FNDC3B: variants seen among roughly 807,000 people sequenced by gnomAD.
The protein encoded by FNDC3B is fibronectin type III domain-containing protein 3B.
In FNDC3B, 12 loss-of-function variants were observed where a neutral mutation model predicts 151.5. That is an observed-to-expected ratio of 0.08 (90% CI 0.05 to 0.13). The LOEUF (loss-of-function observed/expected upper bound fraction) is 0.13. Among genes scored for constraint, FNDC3B ranks in the 10% least tolerant of loss-of-function variants. FNDC3B has a pLI of 1.00. For synonymous variants in FNDC3B, 528 were observed against 549.0 expected (o/e 0.96, Z 0.54); for missense variants, 1,214 against 1,505.3 (o/e 0.81, Z 3.20).
chr3:172,163,998 T>A (rs1456154863), intron 3 of FNDC3B, among the ~76,000 whole-genome samples: 1 of 152,252 alleles, frequency 6.6e-6, no homozygotes, highest in Admixed American at 6.5e-5. Flanking sequence ...TTGAGTTTTA[T>A]TATTACTTTT....
chr3:172,278,651 G>T (rs891535473), intron 6 of FNDC3B, among the ~76,000 whole-genome samples: 4 of 152,180 alleles, frequency 2.6e-5, no homozygotes, highest in African/African-American at 9.7e-5. Context: ...CTTTGGCCGG[G>T]TGTGGTGGCT....
chr3:172,208,454 A>C (rs1725541505), intron 3 of FNDC3B, among the ~76,000 whole-genome samples: 1 of 152,164 alleles, frequency 6.6e-6, no homozygotes, highest in Non-Finnish European at 1.5e-5. Context: ...ATCGAGAACA[A>C]ATGGAGAAGA....
At chr3:172,315,192 C>T (rs1731717906) in intron 11 of FNDC3B, among the ~76,000 whole-genome samples, 3 of 152,154 alleles carry the variant, frequency 2.0e-5, no homozygotes. Context: ...GCCTGGGCAA[C>T]ACGGTGAAAC....
chr3:172,350,347 C>G (rs929887901), intron 21 of FNDC3B, among the ~76,000 whole-genome samples: 11 of 152,314 alleles, frequency 7.2e-5, no homozygotes, highest in Admixed American at 2.0e-4. Flanking sequence ...AAGGTTTGAA[C>G]TAAGCTTCAA....
chr3:172,206,112 A>G (rs138035911), intron 3 of FNDC3B, among the ~76,000 whole-genome samples: 1 of 152,314 alleles, frequency 6.6e-6, no homozygotes, highest in Non-Finnish European at 1.5e-5. Flanking sequence ...TAATAGTACT[A>G]TTGCCTAGTG....
chr3:172,105,854 A>G (rs1414786418), intron 1 of FNDC3B, among the ~76,000 whole-genome samples: 4 of 136,762 alleles, frequency 2.9e-5, no homozygotes, highest in African/African-American at 5.6e-5. Context: ...GGAAATTTTC[A>G]TGAAGTACGA....
intron 1 of FNDC3B, among the ~76,000 whole-genome samples, chr3:172,104,728 G>A (rs550112764): frequency 6.6e-6 from 1 of 152,262 alleles, no homozygotes; most frequent in African/African-American, 2.4e-5. Flanking sequence ...CACAGTAGCA[G>A]GGAAGTGGTC....
intron 11 of FNDC3B, among the ~76,000 whole-genome samples, chr3:172,313,638 G>A (rs868182162): frequency 1.3e-5 from 2 of 152,146 alleles, no homozygotes; most frequent in African/African-American, 4.8e-5. Context: ...GCAAACGTAC[G>A]CCTATCCTCT....
chr3:172,269,968 G>T (rs558977431), intron 6 of FNDC3B, among the ~76,000 whole-genome samples: 3 of 152,228 alleles, frequency 2.0e-5, no homozygotes, highest in African/African-American at 7.2e-5. Context: ...TTTTTTATAG[G>T]ACATTTCATC....
chr3:172,331,573 G>T (rs1462564314), intron 13 of FNDC3B, among the ~76,000 whole-genome samples: 3 of 152,206 alleles, frequency 2.0e-5, no homozygotes, highest in Admixed American at 2.0e-4. Context: ...TGTTAGCCAG[G>T]ATGGTCTCCA....
intron 10 of FNDC3B, among the ~76,000 whole-genome samples, chr3:172,309,068 T>C (rs973666151): frequency 1.3e-5 from 2 of 152,240 alleles, no homozygotes; most frequent in Non-Finnish European, 2.9e-5. Flanking sequence ...AGGAAAACGT[T>C]TCACATTTTC....
chr3:172,373,687 T>A (rs1734989410), intron 23 of FNDC3B, among the ~76,000 whole-genome samples: 1 of 152,206 alleles, frequency 6.6e-6, no homozygotes, highest in Admixed American at 6.5e-5. Flanking sequence ...TGATGAATAT[T>A]TGTAATCTCT....
intron 6 of FNDC3B, among the ~76,000 whole-genome samples, chr3:172,273,702 C>T (rs1729308581): frequency 6.6e-6 from 1 of 152,208 alleles, no homozygotes; most frequent in Non-Finnish European, 1.5e-5. Context: ...CTTTATTTAA[C>T]AATGGAATTA....
chr3:172,263,447 C>T (rs774532355), intron 6 of FNDC3B, among the ~76,000 whole-genome samples: 1 of 152,082 alleles, frequency 6.6e-6, no homozygotes, highest in Non-Finnish European at 1.5e-5. Flanking sequence ...TTTAGTCTTT[C>T]AGGAAGATTT....
At chr3:172,266,952 C>T (rs1030463956) in intron 6 of FNDC3B, among the ~76,000 whole-genome samples, 1 of 152,180 alleles carries the variant, frequency 6.6e-6, no homozygotes, top group Non-Finnish European at 1.5e-5. Context: ...TGGCTGCATC[C>T]TAGGTCTGAT....
chr3:172,329,650 A>G (rs1398873037), intron 12 of FNDC3B: 1 of 152,248 alleles, frequency 6.6e-6, no homozygotes. Context: ...CTTGGGGGGT[A>G]ACTCTTCATT....
At chr3:172,132,412 G>T (rs903661412) in intron 2 of FNDC3B, among the ~76,000 whole-genome samples, 4 of 152,080 alleles carry the variant, frequency 2.6e-5, no homozygotes, top group African/African-American at 9.7e-5. Context: ...TGTGGTGGTG[G>T]TGGTTGTTTT....
intron 15 of FNDC3B, chr3:172,335,348 A>G (rs1324184583): frequency 7.0e-6 from 2 of 285,650 alleles, no homozygotes; most frequent in African/African-American, 4.4e-5. Flanking sequence ...CATTTACTCT[A>G]TGATTTTCCT....
chr3:172,330,256 G>T, intron 12 of FNDC3B: 1 of 272,662 alleles, frequency 3.7e-6, no homozygotes, highest in Non-Finnish European at 6.9e-6. Context: ...ATGCCCACAC[G>T]TCACTTCATT....
Sources: gnomAD v4.1 joint callset for allele counts (sites outside exome capture counted in the v4.1 genomes callset) on GRCh38, gnomAD v4.1.1 for gene constraint, MANE v1.5 for transcripts, NCBI Gene and HGNC (gene_info 2026-07-23, HGNC 2026-07-21) for gene names.